The following LRRC7 variants were observed in gnomAD, a reference collection of about 807,000 sequenced individuals.
The protein encoded by LRRC7 is leucine rich repeat containing 7.
Under a neutral mutation model 175.7 loss-of-function variants are expected in LRRC7, and 23 were observed. The ratio of observed to expected loss-of-function variants is 0.13; its 90% CI spans 0.09 to 0.19. The LOEUF (loss-of-function observed/expected upper bound fraction) is 0.19. Ranked by LOEUF, LRRC7 falls within the 10% of genes least tolerant of loss-of-function variation. The pLI is 1.00. For synonymous variants in LRRC7, 685 were observed against 680.9 expected, an observed-to-expected ratio of 1.01 and a Z score of -0.09; for missense variants, 1,354 against 1,904.7, an observed-to-expected ratio of 0.71 and a Z score of 5.38.
At chr1:69,775,438 C>A (rs949011934) in intron 3 of LRRC7, among the ~76,000 whole-genome samples, 2 of 152,156 alleles carry the variant, frequency 1.3e-5, no homozygotes, top group Non-Finnish European at 2.9e-5. Context: ...GTCCAAATTG[C>A]CACATTAGTG....
chr1:70,066,525 C>A (rs567841380), intron 23 of LRRC7, among the ~76,000 whole-genome samples: 1 of 152,068 alleles, frequency 6.6e-6, no homozygotes, highest in East Asian at 1.9e-4. Flanking sequence ...GCATACTTCT[C>A]TGGAGATTCA....
intron 23 of LRRC7, among the ~76,000 whole-genome samples, chr1:70,064,480 C>G (rs554480736): frequency 2.6e-5 from 4 of 151,598 alleles, no homozygotes; most frequent in Admixed American, 6.6e-5. Context: ...CCTACTCTAC[C>G]CACTAATTAT....
intron 8 of LRRC7, among the ~76,000 whole-genome samples, chr1:69,934,199 C>T (rs1307305126): frequency 6.6e-6 from 1 of 151,950 alleles, no homozygotes; most frequent in Non-Finnish European, 1.5e-5. Flanking sequence ...GATATTGACA[C>T]CGTAGGAGAT....
chr1:69,952,833 G>C (rs1017710054), intron 8 of LRRC7, among the ~76,000 whole-genome samples: 1 of 151,572 alleles, frequency 6.6e-6, no homozygotes, highest in African/African-American at 2.4e-5. Context: ...ACATGCTGTG[G>C]GAGCCCTCCT....
chr1:69,856,246 A>T (rs189424590), intron 7 of LRRC7, among the ~76,000 whole-genome samples: 1 of 152,194 alleles, frequency 6.6e-6, no homozygotes, highest in African/African-American at 2.4e-5. Flanking sequence ...AGCAGAAGGT[A>T]AGAAATAACT....
intron 7 of LRRC7, among the ~76,000 whole-genome samples, chr1:69,893,174 T>C (rs1368442706): frequency 6.6e-6 from 1 of 152,190 alleles, no homozygotes; most frequent in Non-Finnish European, 1.5e-5. Flanking sequence ...TAAAAGAGTA[T>C]CAGTTTCTTT....
At position 69,595,106 on chromosome 1, in the gene LRRC7, C is replaced by T. The variant is rs548412493; in HGVS notation, c.2+26465C>T. 5.9e-5 allele frequency among the ~76,000 whole-genome samples: 9 copies of T among 151,954 alleles called. No homozygotes were observed. The South Asian group carries it at 1.5e-3, about 25-fold the overall frequency. Reference sequence around the variant, plus strand: ...TAAACCTCACAACTGTGTTATGAGACAGGCACTATCAATGTCTCCACTCTT... The same window carrying T: ...TAAACCTCACAACTGTGTTATGAGATAGGCACTATCAATGTCTCCACTCTT... On this transcript the variant is annotated intron_variant, in intron 1 of 26. Transcript: ENST00000651989.
chr1:69,569,551 G>T (rs532101719), intron 1 of LRRC7, among the ~76,000 whole-genome samples: 1 of 146,548 alleles, frequency 6.8e-6, no homozygotes, highest in East Asian at 2.0e-4. Flanking sequence ...GGCTACCAGT[G>T]GTCTCTAATC....
chr1:69,687,650 A>C (rs1661349218), intron 2 of LRRC7, among the ~76,000 whole-genome samples: 1 of 126,726 alleles, frequency 7.9e-6, no homozygotes. Flanking sequence ...GTACACTAAA[A>C]ATACATGATG....
chr1:69,901,241 G>C (rs1216934044), intron 7 of LRRC7, among the ~76,000 whole-genome samples: 1 of 152,110 alleles, frequency 6.6e-6, no homozygotes, highest in Non-Finnish European at 1.5e-5. Context: ...CAGTGGCAGA[G>C]GGGATGAAAA....
chr1:69,778,929 CATATAT>C (rs934736226), intron 3 of LRRC7, among the ~76,000 whole-genome samples: 28 of 143,524 alleles, frequency 2.0e-4, no homozygotes, highest in Admixed American at 2.0e-3. Flanking sequence ...CACACACACT[CATATAT>C]ATACACATAT....
At chr1:69,841,462 G>T (rs1029657885) in intron 7 of LRRC7, among the ~76,000 whole-genome samples, 2 of 152,040 alleles carry the variant, frequency 1.3e-5, no homozygotes, top group Non-Finnish European at 2.9e-5. Context: ...GATTAATGGA[G>T]TCCATTGTAG....
rs1248890931 is a variant in LRRC7 at position 70,127,032 on chromosome 1, C to T, written c.*5145C>T. On this transcript the variant is annotated 3_prime_UTR_variant, in exon 27 of 27. Transcript: ENST00000651989. ...CTTGAGTATCAACAGATGGTTACAGCTCCCAATTTGGGAGGAACTTTCTTG... is the reference window on the plus strand; with the variant it reads ...CTTGAGTATCAACAGATGGTTACAGTTCCCAATTTGGGAGGAACTTTCTTG... Among the ~76,000 whole-genome samples, 1 of 152,158 alleles carries T rather than the reference C, an allele frequency of 6.6e-6. No homozygotes were observed. The highest frequency in any genetic ancestry group is 1.5e-5 in the Non-Finnish European group (1 of 68,036).
intron 1 of LRRC7, among the ~76,000 whole-genome samples, chr1:69,676,392 T>TATAG (rs1659779024): frequency 6.6e-6 from 1 of 152,102 alleles, no homozygotes. Flanking sequence ...AGGATAATCA[T>TATAG]ATAGATATTA....
At chr1:69,825,469 A>T (rs1372110505) in intron 4 of LRRC7, among the ~76,000 whole-genome samples, 1 of 152,082 alleles carries the variant, frequency 6.6e-6, no homozygotes, top group East Asian at 1.9e-4. Context: ...TCAAAGATTT[A>T]TCTTAGGCCA....
At chr1:70,046,547 A>G (rs1432369457) in intron 22 of LRRC7, among the ~76,000 whole-genome samples, 2 of 152,176 alleles carry the variant, frequency 1.3e-5, no homozygotes, top group African/African-American at 2.4e-5. Context: ...CAAGGGAGGA[A>G]AAAGATACAT....
chr1:70,076,832 A>G (rs995779056), intron 24 of LRRC7, among the ~76,000 whole-genome samples: 1 of 152,206 alleles, frequency 6.6e-6, no homozygotes, highest in Admixed American at 6.5e-5. Context: ...AAAGTTACTG[A>G]TAACTGCCAT....
At chr1:69,905,504 G>T (rs368780409) in intron 7 of LRRC7, among the ~76,000 whole-genome samples, 1 of 152,010 alleles carries the variant, frequency 6.6e-6, no homozygotes, top group Non-Finnish European at 1.5e-5. Flanking sequence ...GAGAACATGC[G>T]GTGTTTCCTT....
At chr1:69,881,755 T>C (rs936276030) in intron 7 of LRRC7, among the ~76,000 whole-genome samples, 1 of 151,114 alleles carries the variant, frequency 6.6e-6, no homozygotes, top group African/African-American at 2.4e-5. Flanking sequence ...TAGTGCATGC[T>C]TGTGGTCTCA....
Sources: gnomAD v4.1 joint callset for allele counts (sites outside exome capture counted in the v4.1 genomes callset) on GRCh38, gnomAD v4.1.1 for gene constraint, MANE v1.5 for transcripts, NCBI Gene and HGNC (gene_info 2026-07-23, HGNC 2026-07-21) for gene names.